RHOJ: variants seen among roughly 807,000 people sequenced by gnomAD.
The protein encoded by RHOJ is ras homolog family member J.
Under a neutral mutation model 23.4 loss-of-function variants are expected in RHOJ, and 11 were observed. That is an observed-to-expected ratio of 0.47 (90% confidence interval 0.30 to 0.78). The LOEUF is 0.78. RHOJ is among the 30% of genes least tolerant of loss of function. The pLI is 0.08. For missense variants in RHOJ, 254 were observed against 273.4 expected (o/e 0.93, Z 0.50); for synonymous variants, 102 against 102.7 (o/e 0.99, Z 0.04).
At chr14:63,283,758 G>T (rs963773544) in intron 4 of RHOJ, among the ~76,000 whole-genome samples, 6 of 152,256 alleles carry the variant, frequency 3.9e-5, no homozygotes, top group Non-Finnish European at 8.8e-5. Context: ...GACTAGCTGG[G>T]GATCTAAGTG....
chr14:63,230,903 T>C (rs1894682420), intron 1 of RHOJ, among the ~76,000 whole-genome samples: 1 of 145,078 alleles, frequency 6.9e-6, no homozygotes, highest in Non-Finnish European at 1.5e-5. Flanking sequence ...TGCAGTGGTG[T>C]GATCTCAGCT....
At chr14:63,258,994 C>A (rs1895227518) in intron 1 of RHOJ, among the ~76,000 whole-genome samples, 1 of 152,126 alleles carries the variant, frequency 6.6e-6, no homozygotes, top group Non-Finnish European at 1.5e-5. Context: ...GGCTGGAGTG[C>A]GGTGGCATGA....
intron 1 of RHOJ, among the ~76,000 whole-genome samples, chr14:63,244,447 C>T (rs1472467810): frequency 6.6e-6 from 1 of 151,260 alleles, no homozygotes; most frequent in Non-Finnish European, 1.5e-5. Flanking sequence ...CGTGGTGGCA[C>T]ATACCTGTAA....
chr14:63,255,102 T>G (rs1163456026), intron 1 of RHOJ, among the ~76,000 whole-genome samples: 1 of 152,112 alleles, frequency 6.6e-6, no homozygotes, highest in Non-Finnish European at 1.5e-5. Flanking sequence ...GGTTACTTTG[T>G]TATAATTTCA....
intron 4 of RHOJ, among the ~76,000 whole-genome samples, chr14:63,287,966 A>T (rs1195678291): frequency 6.6e-6 from 1 of 152,094 alleles, no homozygotes; most frequent in Non-Finnish European, 1.5e-5. Context: ...TTTTTTTAGC[A>T]ATCTGGCTGT....
rs868504824 is a variant in RHOJ at position 63,293,298 on chromosome 14, C to T, written c.*2274C>T. 1.3e-5 allele frequency: 2 copies of T among 152,154 alleles called. No homozygotes were observed. The highest frequency in any genetic ancestry group is 2.9e-5 in the Non-Finnish European group (2 of 68,034). The allele number at this position is 152,154 out of a possible 1,614,324, so 9.4% of individuals were successfully genotyped here. On this transcript the variant is annotated 3_prime_UTR_variant, in exon 5 of 5. Coordinates refer to ENST00000316754, the MANE Select transcript of RHOJ (RefSeq NM_020663.5). ...ACTGATGTGGATGAAAAAATGAGAG[C>T]AGTATGTTTCCAGGTGTGTGCACTC...
intron 4 of RHOJ, among the ~76,000 whole-genome samples, chr14:63,285,417 C>G (rs540963250): frequency 1.8e-4 from 27 of 152,178 alleles, no homozygotes; most frequent in Admixed American, 1.3e-4. Flanking sequence ...AAGTTCCCCC[C>G]CAACTTAAAG....
At chr14:63,214,255 T>A (rs1327584485) in intron 1 of RHOJ, among the ~76,000 whole-genome samples, 1 of 152,216 alleles carries the variant, frequency 6.6e-6, no homozygotes, top group Non-Finnish European at 1.5e-5. Flanking sequence ...TGAATGTCAA[T>A]AAGCTTCATA....
At chr14:63,267,186 C>T (rs972893326) in intron 1 of RHOJ, among the ~76,000 whole-genome samples, 1 of 152,238 alleles carries the variant, frequency 6.6e-6, no homozygotes, top group African/African-American at 2.4e-5. Context: ...CACCACCTCA[C>T]CTTCCTGTGC....
chr14:63,219,378 G>A (rs1894434485), intron 1 of RHOJ, among the ~76,000 whole-genome samples: 1 of 151,992 alleles, frequency 6.6e-6, no homozygotes, highest in Non-Finnish European at 1.5e-5. Context: ...GACTTCAGAG[G>A]ATTTAATGCA....
intron 1 of RHOJ, among the ~76,000 whole-genome samples, chr14:63,210,883 T>C (rs1336230353): frequency 6.6e-6 from 1 of 152,232 alleles, no homozygotes; most frequent in Admixed American, 6.5e-5. Context: ...TTATTTTGTC[T>C]GTGAATCTTT....
At chr14:63,280,455 G>A (rs956786604) in intron 2 of RHOJ, among the ~76,000 whole-genome samples, 4 of 152,174 alleles carry the variant, frequency 2.6e-5, no homozygotes, top group Non-Finnish European at 4.4e-5. Flanking sequence ...GTCTACAGCT[G>A]TAATATACAG....
chr14:63,247,904 T>C (rs915582890), intron 1 of RHOJ, among the ~76,000 whole-genome samples: 1 of 152,188 alleles, frequency 6.6e-6, no homozygotes, highest in African/African-American at 2.4e-5. Context: ...ATGTTTTACA[T>C]GGCAGCAGGC....
At chr14:63,257,553 C>A (rs549024556) in intron 1 of RHOJ, among the ~76,000 whole-genome samples, 1 of 150,242 alleles carries the variant, frequency 6.7e-6, no homozygotes, top group South Asian at 2.1e-4. Context: ...GCCTAGGAAA[C>A]CAGACTGAAC....
At chr14:63,226,818 C>T (rs2139742974) in intron 1 of RHOJ, among the ~76,000 whole-genome samples, 1 of 152,152 alleles carries the variant, frequency 6.6e-6, no homozygotes, top group African/African-American at 2.4e-5. Flanking sequence ...AGAATACTAG[C>T]TTTAAAGACA....
At chr14:63,239,860 G>T (rs1894853182) in intron 1 of RHOJ, among the ~76,000 whole-genome samples, 1 of 152,190 alleles carries the variant, frequency 6.6e-6, no homozygotes, top group Non-Finnish European at 1.5e-5. Flanking sequence ...GGAATTAAGG[G>T]CAGAGAAAAG....
At chr14:63,274,768 A>G (rs61664340) in intron 2 of RHOJ, among the ~76,000 whole-genome samples, 9,012 of 152,270 alleles carry the variant, frequency 0.059, 891 homozygotes, top group African/African-American at 0.2. Context: ...ATCACACCAT[A>G]GTCACAAACC....
chr14:63,290,838 C>CT (rs1882226450), intron 4 of RHOJ, 40 bp from the exon 5 acceptor site: 1 of 1,567,792 alleles, frequency 6.4e-7, no homozygotes, highest in Non-Finnish European at 8.6e-7. Flanking sequence ...GCTTTTCTCT[C>CT]TTTTTTATCT....
chr14:63,275,939 A>T (rs1881706460), intron 2 of RHOJ, among the ~76,000 whole-genome samples: 1 of 152,058 alleles, frequency 6.6e-6, no homozygotes, highest in African/African-American at 2.4e-5. Context: ...TCTTTTATTA[A>T]TCCTGACCCC....
Sources: gnomAD v4.1 joint callset for allele counts (sites outside exome capture counted in the v4.1 genomes callset) on GRCh38, gnomAD v4.1.1 for gene constraint, MANE v1.5 for transcripts, NCBI Gene and HGNC (gene_info 2026-07-23, HGNC 2026-07-21) for gene names.